The following CSMD3 variants were observed in gnomAD, a reference collection of about 807,000 sequenced individuals.
CSMD3 encodes CUB and sushi domain-containing protein 3.
In CSMD3, 177 loss-of-function variants were observed where a neutral mutation model predicts 435.2. That is an observed-to-expected ratio of 0.41 (90% CI 0.36 to 0.46). The LOEUF (loss-of-function observed/expected upper bound fraction) is 0.46. Ranked by LOEUF, CSMD3 falls within the 20% of genes least tolerant of loss-of-function variation. The pLI is 0.34. For synonymous variants in CSMD3, 1,656 were observed against 1,520.5 expected (o/e 1.09, Z -2.07); for missense variants, 4,265 against 4,504.6 (o/e 0.95, Z 1.52).
chr8:112,785,214 T>G (rs2078506469), intron 13 of CSMD3, among the ~76,000 whole-genome samples: 1 of 151,910 alleles, frequency 6.6e-6, no homozygotes, highest in African/African-American at 2.4e-5. Flanking sequence ...TTCAACATCC[T>G]TTCATGATAA....
At chr8:112,490,670 C>T (rs1563608543) in intron 31 of CSMD3, among the ~76,000 whole-genome samples, 1 of 151,974 alleles carries the variant, frequency 6.6e-6, no homozygotes, top group Admixed American at 6.6e-5. Context: ...TTGAATCTGG[C>T]TCCTGGAAAT....
At chr8:112,494,555 CTTTCTTTCTTTCT>C (rs1563615662) in intron 30 of CSMD3, among the ~76,000 whole-genome samples, 11 of 99,778 alleles carry the variant, frequency 1.1e-4, no homozygotes, top group Non-Finnish European at 2.1e-4. Flanking sequence ...TTCTTTCTTT[CTTTCTTTCTTTCT>C]TTCTTTTCTT....
chr8:113,138,534 G>A (rs1212116769), intron 4 of CSMD3, among the ~76,000 whole-genome samples: 1 of 151,328 alleles, frequency 6.6e-6, no homozygotes, highest in African/African-American at 2.4e-5. Context: ...AAGATGATTT[G>A]AAGTAAGCTT....
At chr8:113,172,504 C>G (rs11990737) in intron 4 of CSMD3, among the ~76,000 whole-genome samples, 1 of 152,154 alleles carries the variant, frequency 6.6e-6, no homozygotes, top group Admixed American at 6.6e-5. Flanking sequence ...ATATAGCAGA[C>G]ATTTTTACTA....
chr8:113,116,033 T>C (rs987512453), intron 4 of CSMD3, among the ~76,000 whole-genome samples: 3 of 152,158 alleles, frequency 2.0e-5, no homozygotes, highest in African/African-American at 7.2e-5. Context: ...CACAGCTTGA[T>C]CTTGGACTTC....
In CSMD3 at chr8:112,492,549, T is replaced by C. The variant is rs772102111; in HGVS notation, c.5218A>G (p.Thr1740Ala). The change falls in exon 31 of 71, where the codon ACC (threonine) becomes GCC (alanine). Residue 1740 changes from threonine (T) to alanine (A), a missense_variant. Transcript: ENST00000297405. Reference protein sequence around the residue: ...GYVLQGYSTLTCIMGDDGRPG... With the variant: ...GYVLQGYSTLACIMGDDGRPG... The stretch of plus-strand genomic sequence containing the variant: ...CTTCCATCATCTCCCATGATACAGG[T>C]GAGTGTTGAATAACCTTGAAGAACA... The C allele has an allele frequency of 2.5e-6, 4 of 1,613,868 alleles. No homozygotes were observed. The South Asian group carries it at 4.4e-5, about 18-fold the overall frequency.
At chr8:112,899,720 A>G (rs2082057166) in intron 10 of CSMD3, among the ~76,000 whole-genome samples, 1 of 145,100 alleles carries the variant, frequency 6.9e-6, no homozygotes, top group Non-Finnish European at 1.5e-5. Flanking sequence ...CAGGTATGCT[A>G]CAGGTATGCT....
At chr8:113,368,913 C>A (rs2094330311) in intron 1 of CSMD3, among the ~76,000 whole-genome samples, 1 of 152,030 alleles carries the variant, frequency 6.6e-6, no homozygotes. Context: ...TGAAGCATTA[C>A]AGTGAATCAC....
At chr8:113,263,894 T>C (rs1588400204) in intron 3 of CSMD3, among the ~76,000 whole-genome samples, 1 of 151,908 alleles carries the variant, frequency 6.6e-6, no homozygotes, top group African/African-American at 2.4e-5. Context: ...TTTGAGGCTA[T>C]TATTTTATTC....
intron 2 of CSMD3, among the ~76,000 whole-genome samples, chr8:113,305,497 A>G (rs987351051): frequency 3.9e-5 from 6 of 152,216 alleles, no homozygotes; most frequent in African/African-American, 1.4e-4. Context: ...AAAAGATTGA[A>G]TAAATATAAT....
At chr8:112,889,687 C>T (rs2081724316) in intron 10 of CSMD3, among the ~76,000 whole-genome samples, 1 of 151,560 alleles carries the variant, frequency 6.6e-6, no homozygotes. Context: ...TCCTGTGAAA[C>T]AGAAAAGTTG....
At position 113,158,273 on chromosome 8, in the gene CSMD3, C is replaced by T. The variant is rs189133583; in HGVS notation, c.709+15449G>A. 1.6e-4 allele frequency among the ~76,000 whole-genome samples: 24 copies of T among 151,732 alleles called. No individual in the cohort carries two copies. The East Asian group carries it at 2.7e-3, about 17-fold the overall frequency. ...CAGGAAGAAAGGCTGACATCACTAA[C>T]GCTACCATGAGTGTAGGGGCAGCAA... On this transcript the variant is annotated intron_variant, in intron 4 of 70. Coordinates refer to ENST00000297405, the MANE Select transcript of CSMD3 (RefSeq NM_198123.2).
chr8:112,468,006 C>T (rs1363237782), intron 32 of CSMD3, among the ~76,000 whole-genome samples: 1 of 152,100 alleles, frequency 6.6e-6, no homozygotes, highest in African/African-American at 2.4e-5. Context: ...ATGAATACAT[C>T]CTCTTTTACA....
chr8:112,777,241 T>C (rs1025474449), intron 13 of CSMD3, among the ~76,000 whole-genome samples: 1 of 151,822 alleles, frequency 6.6e-6, no homozygotes, highest in African/African-American at 2.4e-5. Context: ...GAAATTTTTC[T>C]CCCACATAAT....
At chr8:112,432,405 G>A (rs1304009662) in intron 32 of CSMD3, among the ~76,000 whole-genome samples, 5 of 152,096 alleles carry the variant, frequency 3.3e-5, no homozygotes, top group African/African-American at 9.7e-5. Flanking sequence ...CAGGGCTCAC[G>A]TGATTCTCCT....
chr8:112,802,042 A>G (rs2078973221), intron 12 of CSMD3, among the ~76,000 whole-genome samples: 1 of 151,870 alleles, frequency 6.6e-6, no homozygotes, highest in African/African-American at 2.4e-5. Context: ...TCCCTTACTA[A>G]CTTATCCTAT....
chr8:113,153,064 A>AAAG (rs1372491392), intron 4 of CSMD3, among the ~76,000 whole-genome samples: 1 of 132,826 alleles, frequency 7.5e-6, no homozygotes, highest in African/African-American at 2.9e-5. Flanking sequence ...GAGAAAAAAG[A>AAAG]AAAAAGAAAG....
intron 35 of CSMD3, among the ~76,000 whole-genome samples, chr8:112,402,934 ATTGTG>A (rs1376302475): frequency 6.6e-6 from 1 of 152,094 alleles, no homozygotes; most frequent in Non-Finnish European, 1.5e-5. Context: ...AAGTCAATGT[ATTGTG>A]TTGTATGTAT....
At chr8:112,627,124 C>T (rs990225938) in intron 22 of CSMD3, among the ~76,000 whole-genome samples, 1 of 151,996 alleles carries the variant, frequency 6.6e-6, no homozygotes, top group Non-Finnish European at 1.5e-5. Flanking sequence ...AAGCTAAAAA[C>T]CAAAATTAGT....
Sources: gnomAD v4.1 joint callset for allele counts (sites outside exome capture counted in the v4.1 genomes callset) on GRCh38, gnomAD v4.1.1 for gene constraint, MANE v1.5 for transcripts, NCBI Gene and HGNC (gene_info 2026-07-23, HGNC 2026-07-21) for gene names.